Variants in SUPT3H observed in about 807,000 individuals in gnomAD.
SUPT3H encodes transcription initiation protein SPT3 homolog.
Under a neutral mutation model 44.3 loss-of-function variants are expected in SUPT3H, and 44 were observed. The ratio of observed to expected loss-of-function variants is 0.99; its 90% CI spans 0.78 to 1.28. The LOEUF (loss-of-function observed/expected upper bound fraction) is 1.28, where lower values mean the gene tolerates loss of function less well. Ranked by LOEUF, SUPT3H falls within the 50% of genes most tolerant of loss-of-function variation. SUPT3H has a pLI of 0.00. For missense variants in SUPT3H, 380 were observed against 387.1 expected, an observed-to-expected ratio of 0.98 and a Z score of 0.15; for synonymous variants, 124 against 125.6, an observed-to-expected ratio of 0.99 and a Z score of 0.09.
At chr6:44,960,654 T>C (rs1775899496) in intron 7 of SUPT3H, among the ~76,000 whole-genome samples, 1 of 152,154 alleles carries the variant, frequency 6.6e-6, no homozygotes, top group Admixed American at 6.5e-5. Flanking sequence ...TGGAGGTTGA[T>C]ACTTATAAAG....
intron 10 of SUPT3H, among the ~76,000 whole-genome samples, chr6:44,869,468 C>T (rs1023512174): frequency 1.3e-5 from 2 of 151,094 alleles, no homozygotes; most frequent in Non-Finnish European, 2.9e-5. Context: ...TTGAAACAGA[C>T]GATATTGCAA....
chr6:45,156,947 CAT>C (rs1460354856), intron 2 of SUPT3H, among the ~76,000 whole-genome samples: 1 of 151,962 alleles, frequency 6.6e-6, no homozygotes, highest in Admixed American at 6.6e-5. Context: ...AATCAAGACA[CAT>C]GTGTAAAGAA....
At chr6:45,053,217 CT>C (rs34936776) in intron 3 of SUPT3H, among the ~76,000 whole-genome samples, 60 of 145,238 alleles carry the variant, frequency 4.1e-4, no homozygotes, top group South Asian at 6.6e-4. Context: ...TTTGTTTTGC[CT>C]TTTTTTTTTT....
intron 10 of SUPT3H, among the ~76,000 whole-genome samples, chr6:44,908,914 C>T (rs1047110350): frequency 1.3e-5 from 2 of 152,096 alleles, no homozygotes; most frequent in African/African-American, 4.8e-5. Flanking sequence ...TTTAGAAACT[C>T]TAAATTATAG....
At chr6:44,853,325 AC>A (rs757708041) in intron 10 of SUPT3H, among the ~76,000 whole-genome samples, 51 of 152,096 alleles carry the variant, frequency 3.4e-4, no homozygotes, top group Non-Finnish European at 6.8e-4. Flanking sequence ...ATCACTGATA[AC>A]CTCGAGAAGC....
chr6:44,824,533 G>T (rs573209541), downstream of SUPT3H, among the ~76,000 whole-genome samples: 1 of 152,262 alleles, frequency 6.6e-6, no homozygotes, highest in East Asian at 1.9e-4. Flanking sequence ...CCACAGGCTG[G>T]TGCAGTTATT....
intron 2 of SUPT3H, among the ~76,000 whole-genome samples, chr6:45,182,195 T>C (rs1318823905): frequency 6.6e-6 from 1 of 152,236 alleles, no homozygotes; most frequent in Non-Finnish European, 1.5e-5. Flanking sequence ...AAGCCACAAC[T>C]GCTGTTACTG....
intron 2 of SUPT3H, chr6:45,250,933 T>A (rs1772262112): frequency 6.6e-6 from 1 of 152,006 alleles, no homozygotes; most frequent in Non-Finnish European, 1.5e-5. Context: ...CTCAAGCAAG[T>A]AGCTGGGACT....
At chr6:44,952,810 T>A (rs1470648220) in intron 9 of SUPT3H, among the ~76,000 whole-genome samples, 1 of 152,164 alleles carries the variant, frequency 6.6e-6, no homozygotes, top group Non-Finnish European at 1.5e-5. Context: ...CAGAAAAGAA[T>A]ATAATTTTCA....
At chr6:44,983,799 T>C (rs1024371652) in intron 6 of SUPT3H, among the ~76,000 whole-genome samples, 2 of 152,230 alleles carry the variant, frequency 1.3e-5, no homozygotes, top group African/African-American at 4.8e-5. Flanking sequence ...GTTTTTTAAC[T>C]GAAAGAGCTT....
At chr6:45,254,035 A>G (rs547969177) in intron 2 of SUPT3H, among the ~76,000 whole-genome samples, 4 of 151,576 alleles carry the variant, frequency 2.6e-5, no homozygotes, top group African/African-American at 9.7e-5. Context: ...CAACAAACAA[A>G]TTCTTTTGAA....
intron 10 of SUPT3H, among the ~76,000 whole-genome samples, chr6:44,904,399 T>C (rs1252961085): frequency 6.6e-6 from 1 of 152,160 alleles, no homozygotes; most frequent in East Asian, 1.9e-4. Flanking sequence ...AGCCAAATCA[T>C]GAGTGGACTC....
At chr6:45,066,350 A>G (rs1793311200) in intron 3 of SUPT3H, among the ~76,000 whole-genome samples, 1 of 144,150 alleles carries the variant, frequency 6.9e-6, no homozygotes, top group African/African-American at 2.6e-5. Context: ...CCCACAGCCA[A>G]TATCATACTG....
chr6:45,181,127 G>A (rs9395078), intron 2 of SUPT3H, among the ~76,000 whole-genome samples: 86,928 of 138,316 alleles, frequency 0.63, 28,344 homozygotes, highest in African/African-American at 0.78. Flanking sequence ...GCTCACCATC[G>A]CTGGCCATCA....
chr6:45,053,005 GGGA>G (rs1223622028), intron 3 of SUPT3H, among the ~76,000 whole-genome samples: 1 of 152,002 alleles, frequency 6.6e-6, no homozygotes, highest in Non-Finnish European at 1.5e-5. Flanking sequence ...TAAAAAGGGA[GGGA>G]GGAGAGTTGA....
chr6:45,033,050 G>A (rs1420153422), intron 3 of SUPT3H, among the ~76,000 whole-genome samples: 1 of 152,034 alleles, frequency 6.6e-6, no homozygotes, highest in Non-Finnish European at 1.5e-5. Context: ...ACTAAATATA[G>A]AGAAGATTGT....
At chr6:45,121,800 T>A (rs1384950496) in intron 2 of SUPT3H, among the ~76,000 whole-genome samples, 2 of 151,958 alleles carry the variant, frequency 1.3e-5, no homozygotes, top group African/African-American at 4.8e-5. Flanking sequence ...CTCAGTCTCC[T>A]GAGTAGCTGG....
intron 6 of SUPT3H, among the ~76,000 whole-genome samples, chr6:44,966,471 A>G (rs941979958): frequency 6.6e-6 from 1 of 151,472 alleles, no homozygotes; most frequent in Non-Finnish European, 1.5e-5. Flanking sequence ...CTCAATAAAG[A>G]GTAAGCAGTT....
chr6:45,055,360 C>A (rs1374445569), intron 3 of SUPT3H, among the ~76,000 whole-genome samples: 1 of 152,058 alleles, frequency 6.6e-6, no homozygotes, highest in Admixed American at 6.6e-5. Flanking sequence ...GCTGCATAGA[C>A]AAAGGGAGAC....
Sources: allele counts gnomAD v4.1 joint callset (sites outside exome capture counted in the v4.1 genomes callset), GRCh38; gene constraint gnomAD v4.1.1; transcripts MANE v1.5; gene names NCBI Gene and HGNC (gene_info 2026-07-23, HGNC 2026-07-21).